CTNNA3: variants seen among roughly 807,000 people sequenced by gnomAD.
The protein encoded by CTNNA3 is catenin alpha-3.
In CTNNA3, 76 loss-of-function variants were observed where a neutral mutation model predicts 95.7. The observed-to-expected ratio is 0.79, with a 90% CI of 0.66 to 0.96. CTNNA3 has a LOEUF of 0.96. CTNNA3 is among the 40% of genes least tolerant of loss of function. CTNNA3 has a pLI of 0.00. For missense variants in CTNNA3, 1,191 were observed against 1,089.8 expected (o/e 1.09, Z -1.31); for synonymous variants, 431 against 374.4 (o/e 1.15, Z -1.74).
chr10:67,448,637 C>T (rs926766112), intron 5 of CTNNA3, among the ~76,000 whole-genome samples: 2 of 151,322 alleles, frequency 1.3e-5, no homozygotes, highest in African/African-American at 2.4e-5. Context: ...ATAATTTGAG[C>T]ACCTGTTGTA....
chr10:65,975,555 C>G (rs376796938), intron 16 of CTNNA3, among the ~76,000 whole-genome samples: 1 of 152,012 alleles, frequency 6.6e-6, no homozygotes, highest in Non-Finnish European at 1.5e-5. Context: ...ATATTTTCCC[C>G]AATTTACAGA....
At chr10:66,921,547 C>G (rs2132601832) in intron 7 of CTNNA3, among the ~76,000 whole-genome samples, 1 of 152,268 alleles carries the variant, frequency 6.6e-6, no homozygotes, top group Admixed American at 6.5e-5. Context: ...TCATTGGCCT[C>G]CTTGTTGTTC....
intron 1 of CTNNA3, among the ~76,000 whole-genome samples, chr10:67,706,201 T>A (rs771664211): frequency 4.6e-5 from 7 of 152,108 alleles, no homozygotes; most frequent in Non-Finnish European, 1.0e-4. Context: ...GTAGCAGGCA[T>A]ACTTTGAGGT....
chr10:67,371,353 A>G (rs1589224927), intron 5 of CTNNA3, among the ~76,000 whole-genome samples: 3 of 150,454 alleles, frequency 2.0e-5, no homozygotes, highest in Admixed American at 6.6e-5. Context: ...TACATTAGGT[A>G]TATCTCCTAA....
intron 9 of CTNNA3, among the ~76,000 whole-genome samples, chr10:66,655,564 G>C (rs1846046222): frequency 6.6e-6 from 1 of 151,988 alleles, no homozygotes; most frequent in African/African-American, 2.4e-5. Flanking sequence ...TGGGCAGAAA[G>C]GAAGAAAACA....
intron 7 of CTNNA3, among the ~76,000 whole-genome samples, chr10:66,913,384 G>C (rs1846323305): frequency 6.6e-6 from 1 of 151,824 alleles, no homozygotes; most frequent in Non-Finnish European, 1.5e-5. Context: ...AAGATCTTCA[G>C]CTCCCATTTT....
intron 12 of CTNNA3, among the ~76,000 whole-genome samples, chr10:66,328,911 CATATATATATATATAT>C (rs1554935009): frequency 1.2e-5 from 1 of 86,492 alleles, no homozygotes; most frequent in Non-Finnish European, 2.5e-5. Context: ...CACATATATA[CATATATATATATATAT>C]ATATATACAC....
chr10:66,727,891 T>G (rs536569048), intron 9 of CTNNA3, among the ~76,000 whole-genome samples: 1 of 152,304 alleles, frequency 6.6e-6, no homozygotes, highest in African/African-American at 2.4e-5. Flanking sequence ...AAGGTTTTAA[T>G]TCAAATGTGA....
intron 5 of CTNNA3, among the ~76,000 whole-genome samples, chr10:67,263,400 C>T (rs1288024921): frequency 6.6e-6 from 1 of 152,182 alleles, no homozygotes; most frequent in Admixed American, 6.5e-5. Context: ...GGAGAAAAGG[C>T]TACAAATGCG....
In CTNNA3 at chr10:67,742,677, C is replaced by G. The variant is rs1293698498; in HGVS notation, c.-2+20757G>C. On this transcript the variant is annotated intron_variant, in intron 1 of 17. Coordinates refer to the CTNNA3 transcript ENST00000684154. ...AGAGCAGAACTGAAGGAAATAGAGA[C>G]ACAAAAAACCCTTCAAAAAATTAAT... 1.9e-4 allele frequency among the ~76,000 whole-genome samples: 28 copies of G among 146,588 alleles called. No individual in the cohort carries two copies. In the East Asian group the frequency reaches 5.3e-3, roughly 28 times the overall value.
At chr10:66,317,493 G>C (rs1032921504) in intron 12 of CTNNA3, among the ~76,000 whole-genome samples, 2 of 151,952 alleles carry the variant, frequency 1.3e-5, no homozygotes, top group African/African-American at 4.8e-5. Flanking sequence ...CCAACATAGT[G>C]AAACCCCGTC....
At chr10:67,514,059 C>A (rs1466438784) in intron 5 of CTNNA3, among the ~76,000 whole-genome samples, 1 of 152,124 alleles carries the variant, frequency 6.6e-6, no homozygotes, top group East Asian at 1.9e-4. Context: ...GCCTCTAATC[C>A]TTGCACTTTG....
At chr10:67,435,278 C>T (rs1846263584) in intron 5 of CTNNA3, among the ~76,000 whole-genome samples, 1 of 151,952 alleles carries the variant, frequency 6.6e-6, no homozygotes, top group Non-Finnish European at 1.5e-5. Flanking sequence ...CAAACTCAAA[C>T]ATCCATACAT....
chr10:66,281,040 A>C (rs1180009340), intron 12 of CTNNA3, among the ~76,000 whole-genome samples: 7 of 151,992 alleles, frequency 4.6e-5, no homozygotes, highest in Non-Finnish European at 8.8e-5. Context: ...AGATATTTAA[A>C]GAAAGAAAGC....
intron 13 of CTNNA3, among the ~76,000 whole-genome samples, chr10:66,139,101 A>C (rs539399932): frequency 6.6e-6 from 1 of 152,318 alleles, no homozygotes; most frequent in East Asian, 1.9e-4. Flanking sequence ...AAAATCTGAC[A>C]GATTAGCAAT....
chr10:66,192,031 C>T (rs1486848379), intron 13 of CTNNA3, among the ~76,000 whole-genome samples: 3 of 152,148 alleles, frequency 2.0e-5, no homozygotes, highest in Non-Finnish European at 2.9e-5. Flanking sequence ...AAGGCCTTCA[C>T]CAGATGACAG....
chr10:67,135,530 AG>A (rs1860255890), intron 7 of CTNNA3, among the ~76,000 whole-genome samples: 1 of 151,944 alleles, frequency 6.6e-6, no homozygotes, highest in African/African-American at 2.4e-5. Flanking sequence ...AAATAATTAA[AG>A]GGGTATGGTG....
At chr10:67,586,978 T>C (rs1842646642) in intron 3 of CTNNA3, among the ~76,000 whole-genome samples, 1 of 152,144 alleles carries the variant, frequency 6.6e-6, no homozygotes, top group Non-Finnish European at 1.5e-5. Flanking sequence ...TGACTTACAC[T>C]TTTAATGTTT....
At chr10:67,293,692 G>A (rs1271762565) in intron 5 of CTNNA3, among the ~76,000 whole-genome samples, 1 of 114,968 alleles carries the variant, frequency 8.7e-6, no homozygotes, top group Non-Finnish European at 1.6e-5. Context: ...ACAGGCCCCA[G>A]TGTGTGATGT....
Sources: allele counts gnomAD v4.1 joint callset (sites outside exome capture counted in the v4.1 genomes callset), GRCh38; gene constraint gnomAD v4.1.1; transcripts MANE v1.5; gene names NCBI Gene and HGNC (gene_info 2026-07-23, HGNC 2026-07-21).